Variants in ZCCHC17 observed in about 807,000 individuals in gnomAD.
ZCCHC17 encodes the protein zinc finger CCHC domain-containing protein 17.
Under a neutral mutation model 30.6 loss-of-function variants are expected in ZCCHC17, and 18 were observed. The observed-to-expected ratio is 0.59, with a 90% CI of 0.41 to 0.87. The LOEUF is 0.87. Ranked by LOEUF, ZCCHC17 falls within the 40% of genes least tolerant of loss-of-function variation. The pLI, the probability that ZCCHC17 is intolerant of heterozygous loss-of-function variation, is 0.00. For missense variants in ZCCHC17, 263 were observed against 284.2 expected, an observed-to-expected ratio of 0.93 and a Z score of 0.54; for synonymous variants, 88 against 92.4, an observed-to-expected ratio of 0.95 and a Z score of 0.27.
chr1:31,354,471 G>A (rs1569922003), intron 7 of ZCCHC17, among the ~76,000 whole-genome samples: 1 of 151,870 alleles, frequency 6.6e-6, no homozygotes, highest in South Asian at 2.1e-4. Flanking sequence ...TCACATGATC[G>A]TGGCTCACTG....
At position 31,339,479 on chromosome 1, in the gene ZCCHC17, G is replaced by T. The variant is rs1024552190; in HGVS notation, c.317+431G>T. Among the ~76,000 whole-genome samples, 5 of 152,286 alleles carry T rather than the reference G, an allele frequency of 3.3e-5. No individual in the cohort carries two copies. In the South Asian group the frequency reaches 1.0e-3, roughly 32 times the overall value. On this transcript the variant is annotated intron_variant, in intron 5 of 7. Transcript: ENST00000344147. ...GCTGAGATCATGCCACTGCACTCCAGCCTGGATGACAGAGTGAGACTCGGT... is the reference window on the plus strand; with the variant it reads ...GCTGAGATCATGCCACTGCACTCCATCCTGGATGACAGAGTGAGACTCGGT...
At chr1:31,346,422 T>C (rs973075960) in intron 5 of ZCCHC17, among the ~76,000 whole-genome samples, 6 of 152,202 alleles carry the variant, frequency 3.9e-5, no homozygotes, top group African/African-American at 1.4e-4. Flanking sequence ...ATTTTCATCC[T>C]CTGTGCATTA....
At chr1:31,339,575 C>T (rs767679224) in intron 5 of ZCCHC17, among the ~76,000 whole-genome samples, 7 of 152,252 alleles carry the variant, frequency 4.6e-5, no homozygotes, top group Non-Finnish European at 8.8e-5. Flanking sequence ...TAAGATGAAA[C>T]GTTAACGTAC....
intron 7 of ZCCHC17, among the ~76,000 whole-genome samples, chr1:31,358,000 C>T (rs376382688): frequency 6.6e-6 from 1 of 152,096 alleles, no homozygotes; most frequent in South Asian, 2.1e-4. Flanking sequence ...GTGATCCACA[C>T]ACCTCGGCCT....
intron 3 of ZCCHC17, among the ~76,000 whole-genome samples, chr1:31,335,667 T>C (rs1225901871): frequency 6.6e-6 from 1 of 152,202 alleles, no homozygotes; most frequent in Non-Finnish European, 1.5e-5. Flanking sequence ...GCCCAGCAAT[T>C]ATTTCATTTT....
intron 6 of ZCCHC17, among the ~76,000 whole-genome samples, chr1:31,348,341 C>T (rs1014821707): frequency 6.6e-6 from 1 of 152,090 alleles, no homozygotes; most frequent in Non-Finnish European, 1.5e-5. Flanking sequence ...TGTTCAGTGC[C>T]CCTAGGTGAC....
chr1:31,310,015 C>T (rs1646559668), intron 1 of ZCCHC17, 29 bp from the exon 2 acceptor site: 1 of 1,330,052 alleles, frequency 7.5e-7, no homozygotes, highest in African/African-American at 1.5e-5. Flanking sequence ...AGATATCTCT[C>T]TAATTGGTGT....
intron 3 of ZCCHC17, among the ~76,000 whole-genome samples, chr1:31,336,314 G>GT (rs537778422): frequency 7.1e-4 from 108 of 152,208 alleles, no homozygotes; most frequent in African/African-American, 2.4e-3. Flanking sequence ...AGCTCTGTAA[G>GT]TTTTTTGGCT....
chr1:31,310,143 C>T lies in ZCCHC17; in HGVS notation c.45C>T (p.Leu15=), dbSNP rs755943866. 3.1e-6 allele frequency: 5 copies of T among 1,613,988 alleles called. No homozygotes were observed. In the South Asian group the frequency reaches 4.4e-5, roughly 14 times the overall value. Residue 15 remains leucine (L), a synonymous_variant, in exon 2 of 8, where the codon CTC becomes CTT. Transcript: ENST00000344147. ...AGACCATGGAAAACTTGCCTGCTCT[C>T]TACACTATTTTCCAAGGAGAGGTAT... ...RPETMENLPA[L]YTIFQGEVAM...
At chr1:31,345,181 G>T (rs4514283) in intron 5 of ZCCHC17, among the ~76,000 whole-genome samples, 1 of 151,076 alleles carries the variant, frequency 6.6e-6, no homozygotes, top group Non-Finnish European at 1.5e-5. Flanking sequence ...TTTTGAGACA[G>T]AGTCTCGCTC....
chr1:31,302,824 A>G (rs1362872245), intron 1 of ZCCHC17, among the ~76,000 whole-genome samples: 2 of 152,014 alleles, frequency 1.3e-5, no homozygotes, highest in African/African-American at 2.4e-5. Flanking sequence ...CTCTGTCACT[A>G]TCATGAGAAC....
chr1:31,318,124 A>G (rs1646779467), intron 2 of ZCCHC17: 4 of 1,422,482 alleles, frequency 2.8e-6, no homozygotes, highest in Non-Finnish European at 3.8e-6. Context: ...ATTAGTAAAT[A>G]GCAGTGCAGT....
At chr1:31,303,420 T>C (rs1229090710) in intron 1 of ZCCHC17, among the ~76,000 whole-genome samples, 1 of 152,188 alleles carries the variant, frequency 6.6e-6, no homozygotes, top group Non-Finnish European at 1.5e-5. Context: ...TTTAAATTCT[T>C]AGGGTTCTAG....
intron 2 of ZCCHC17, among the ~76,000 whole-genome samples, chr1:31,311,823 C>G (rs578187354): frequency 5.3e-5 from 8 of 152,312 alleles, no homozygotes; most frequent in East Asian, 1.9e-4. Context: ...TTTAGTCCCC[C>G]CCGTGGGGGT....
chr1:31,360,577 C>A (rs983653823), intron 7 of ZCCHC17, among the ~76,000 whole-genome samples: 1 of 152,200 alleles, frequency 6.6e-6, no homozygotes, highest in Non-Finnish European at 1.5e-5. Flanking sequence ...GTTCAGGCTG[C>A]AAAACAGCTT....
intron 2 of ZCCHC17, among the ~76,000 whole-genome samples, chr1:31,317,908 G>A (rs536790171): frequency 6.6e-6 from 1 of 152,176 alleles, no homozygotes; most frequent in South Asian, 2.1e-4. Context: ...GGACCTATGA[G>A]CAGCTCTAGT....
intron 2 of ZCCHC17, among the ~76,000 whole-genome samples, chr1:31,315,466 A>G (rs7523438): frequency 0.57 from 86,855 of 151,838 alleles, 25,280 homozygotes; most frequent in Non-Finnish European, 0.62. Flanking sequence ...ACATGGTAGG[A>G]GGTACGAGCA....
intron 3 of ZCCHC17, among the ~76,000 whole-genome samples, chr1:31,333,821 T>C (rs1638691274): frequency 6.6e-6 from 1 of 152,188 alleles, no homozygotes; most frequent in Non-Finnish European, 1.5e-5. Context: ...TAAATAGACT[T>C]TCTGTTTTAG....
intron 7 of ZCCHC17, among the ~76,000 whole-genome samples, chr1:31,361,961 G>A (rs917761443): frequency 1.3e-5 from 2 of 152,036 alleles, no homozygotes; most frequent in Non-Finnish European, 2.9e-5. Flanking sequence ...ACAGGCCCGC[G>A]TAACCACACC....
Sources: gnomAD v4.1 joint callset for allele counts (sites outside exome capture counted in the v4.1 genomes callset) on GRCh38, gnomAD v4.1.1 for gene constraint, MANE v1.5 for transcripts, NCBI Gene and HGNC (gene_info 2026-07-23, HGNC 2026-07-21) for gene names.